Variants in RABGAP1L observed in about 807,000 individuals in gnomAD.
The protein encoded by RABGAP1L is rab GTPase-activating protein 1-like.
RABGAP1L carries 63 observed loss-of-function variants against 137.7 expected under a neutral mutation model. The observed-to-expected ratio is 0.46, with a 90% CI of 0.37 to 0.56. RABGAP1L has a LOEUF of 0.56. RABGAP1L is among the 20% of genes least tolerant of loss of function. The pLI, the probability that RABGAP1L is intolerant of heterozygous loss-of-function variation, is 0.00. For missense variants in RABGAP1L, 1,095 were observed against 1,244.0 expected, an observed-to-expected ratio of 0.88 and a Z score of 1.80; for synonymous variants, 431 against 433.7, an observed-to-expected ratio of 0.99 and a Z score of 0.08.
intron 13 of RABGAP1L, among the ~76,000 whole-genome samples, chr1:174,514,587 G>A (rs1168560607): frequency 6.6e-6 from 1 of 152,154 alleles, no homozygotes; most frequent in African/African-American, 2.4e-5. Context: ...AGAACATTGA[G>A]GCCAAAATTA....
intron 13 of RABGAP1L, among the ~76,000 whole-genome samples, chr1:174,600,572 G>C (rs1670331760): frequency 6.6e-6 from 1 of 152,088 alleles, no homozygotes; most frequent in South Asian, 2.1e-4. Flanking sequence ...CAAAAAAAAG[G>C]AGTTACAGGG....
At chr1:174,456,255 A>G (rs1052498902) in intron 13 of RABGAP1L, among the ~76,000 whole-genome samples, 2 of 152,070 alleles carry the variant, frequency 1.3e-5, no homozygotes, top group South Asian at 4.1e-4. Context: ...TAAAAAATTT[A>G]CCTCTCCTTT....
At chr1:174,640,405 A>C (rs1265383702) in intron 14 of RABGAP1L, among the ~76,000 whole-genome samples, 5 of 152,022 alleles carry the variant, frequency 3.3e-5, no homozygotes, top group Non-Finnish European at 1.5e-5. Flanking sequence ...AATTTGAACC[A>C]CAGTCTTTTA....
At chr1:174,788,591 A>G (rs888083982) in intron 18 of RABGAP1L, among the ~76,000 whole-genome samples, 5 of 152,134 alleles carry the variant, frequency 3.3e-5, no homozygotes, top group Admixed American at 6.6e-5. Context: ...CTGCTATTAG[A>G]TTAATCTTTC....
chr1:174,812,318 A>T (rs1008706291), intron 19 of RABGAP1L, among the ~76,000 whole-genome samples: 28 of 152,238 alleles, frequency 1.8e-4, no homozygotes, highest in African/African-American at 6.5e-4. Flanking sequence ...AAGCTTGCTT[A>T]GGCAATGCTT....
chr1:174,858,720 CCTAGA>C (rs1226899258), intron 19 of RABGAP1L, among the ~76,000 whole-genome samples: 3 of 152,146 alleles, frequency 2.0e-5, no homozygotes, highest in African/African-American at 7.2e-5. Context: ...TTTATCCTTA[CCTAGA>C]CTATTAGACC....
intron 13 of RABGAP1L, among the ~76,000 whole-genome samples, chr1:174,482,063 A>T (rs565182237): frequency 6.6e-6 from 1 of 152,326 alleles, no homozygotes; most frequent in Admixed American, 6.5e-5. Flanking sequence ...TAAAAGAGGG[A>T]GTCAGAAGAG....
intron 13 of RABGAP1L, among the ~76,000 whole-genome samples, chr1:174,544,474 CT>C (rs1665811048): frequency 6.6e-6 from 1 of 151,954 alleles, no homozygotes; most frequent in African/African-American, 2.4e-5. Flanking sequence ...TGTCTATGCT[CT>C]TTATTCTAGT....
chr1:174,199,293 TG>T (rs1275541559), intron 1 of RABGAP1L, among the ~76,000 whole-genome samples: 4 of 152,084 alleles, frequency 2.6e-5, no homozygotes, highest in East Asian at 1.9e-4. Context: ...ATTCATGTAT[TG>T]TTTTTTTTCT....
intron 13 of RABGAP1L, among the ~76,000 whole-genome samples, chr1:174,484,538 C>A (rs1479447025): frequency 6.6e-6 from 1 of 152,034 alleles, no homozygotes; most frequent in Non-Finnish European, 1.5e-5. Flanking sequence ...TAATATGAGA[C>A]CTTAGATTTA....
In RABGAP1L at chr1:174,537,112, G is replaced by T. The variant is rs965011505; in HGVS notation, c.1711-100263G>T. On this transcript the variant is annotated intron_variant, in intron 13 of 25. Transcript: ENST00000681986. ...TTTCTCTCCCACACCAAACTATAAA[G>T]ATAATTTCATAAACCTCTTTTTAGT... is the stretch of plus-strand genomic sequence containing the variant. 2.6e-5 allele frequency among the ~76,000 whole-genome samples: 4 copies of T among 152,226 alleles called. No individual in the cohort carries two copies. The East Asian group carries it at 7.7e-4, about 29-fold the overall frequency.
intron 15 of RABGAP1L, among the ~76,000 whole-genome samples, chr1:174,693,702 G>A (rs1222409968): frequency 1.3e-5 from 2 of 151,974 alleles, no homozygotes; most frequent in Admixed American, 1.3e-4. Flanking sequence ...ATGGCACCAG[G>A]CAAATACAAT....
At chr1:174,748,204 G>A (rs1421771057) in intron 17 of RABGAP1L, among the ~76,000 whole-genome samples, 3 of 152,174 alleles carry the variant, frequency 2.0e-5, no homozygotes, top group African/African-American at 7.2e-5. Flanking sequence ...ATTGAAGAAA[G>A]GGGTTCTTAC....
chr1:174,585,141 A>G (rs954086802), intron 13 of RABGAP1L, among the ~76,000 whole-genome samples: 30 of 152,162 alleles, frequency 2.0e-4, no homozygotes, highest in African/African-American at 6.5e-4. Context: ...TGTCATTAAA[A>G]TTTCTCCTGT....
chr1:174,399,546 C>A (rs555067343), intron 13 of RABGAP1L, among the ~76,000 whole-genome samples: 1 of 152,196 alleles, frequency 6.6e-6, no homozygotes, highest in East Asian at 1.9e-4. Context: ...CTACCAGAGG[C>A]CTCAGATTAC....
rs367694721 is a variant in RABGAP1L, at chr1:174,165,648, C to T, written c.-34+5991C>T. Among the ~76,000 whole-genome samples, 36 of 152,164 alleles carry T rather than the reference C, an allele frequency of 2.4e-4. 1 individual carries two copies. In the South Asian group the frequency reaches 7.5e-3, roughly 32 times the overall value. ...AAGTGGCTGGGACTATATAGGCACACACCAACATGCTTGGCTAATTTTTCA... is the reference window on the plus strand; with the variant it reads ...AAGTGGCTGGGACTATATAGGCACATACCAACATGCTTGGCTAATTTTTCA... On this transcript the variant is annotated intron_variant, in intron 1 of 25. Transcript: ENST00000681986.
intron 12 of RABGAP1L, among the ~76,000 whole-genome samples, chr1:174,375,723 T>C (rs1008222610): frequency 6.6e-6 from 1 of 152,122 alleles, no homozygotes; most frequent in Non-Finnish European, 1.5e-5. Flanking sequence ...AAGTTTTCAA[T>C]AGAGAAAATT....
At chr1:174,629,974 T>G (rs1317549225) in intron 13 of RABGAP1L, among the ~76,000 whole-genome samples, 1 of 152,006 alleles carries the variant, frequency 6.6e-6, no homozygotes, top group South Asian at 2.1e-4. Flanking sequence ...CTTGTGCCAG[T>G]TTTCAAAGGG....
intron 12 of RABGAP1L, among the ~76,000 whole-genome samples, chr1:174,383,099 C>CTCGGGGG (rs1440997648): frequency 3.3e-5 from 5 of 151,166 alleles, no homozygotes; most frequent in Admixed American, 6.6e-5. Flanking sequence ...AGTTAGGCTG[C>CTCGGGGG]TCGGGGGTCA....
Sources: gnomAD v4.1 joint callset for allele counts (sites outside exome capture counted in the v4.1 genomes callset) on GRCh38, gnomAD v4.1.1 for gene constraint, MANE v1.5 for transcripts, NCBI Gene and HGNC (gene_info 2026-07-23, HGNC 2026-07-21) for gene names.